CBARP: variants seen among roughly 807,000 people sequenced by gnomAD.
CBARP encodes the protein CACN subunit beta associated regulatory protein, also known as voltage-dependent calcium channel beta subunit-associated regulatory protein.
In CBARP, 24 loss-of-function variants were observed where a neutral mutation model predicts 36.3. The ratio of observed to expected loss-of-function variants is 0.66; its 90% CI spans 0.48 to 0.93. CBARP has a LOEUF of 0.93. CBARP is among the 40% of genes least tolerant of loss of function. The probability of loss-of-function intolerance (pLI) is 0.00; values close to 1 mark genes in which losing one functional copy is unlikely to be tolerated. For missense variants in CBARP, 1,146 were observed against 980.4 expected, an observed-to-expected ratio of 1.17 and a Z score of -2.26; for synonymous variants, 586 against 453.2, an observed-to-expected ratio of 1.29 and a Z score of -3.72.
In CBARP at chr19:1,230,109, G is replaced by A; in HGVS notation, c.1188C>T (p.Ser396=). The change falls in exon 10 of 10, where the codon AGC becomes AGT. Residue 396 remains serine, a synonymous_variant. Coordinates refer to ENST00000650044, the MANE Select transcript of CBARP (RefSeq NM_001393918.1). The part of the protein sequence containing the change: ...LEAAEAAGGA[S]PDSPPERGAG... ...CGCCGCGCTCCGGGGGGGAATCGGG[G>A]CTCGCTCCTCCCGCTGCCTCGGCCG... The A allele has an allele frequency of 9.4e-7, 1 of 1,063,942 alleles. No homozygotes were observed. Among genetic ancestry groups the A allele is most frequent in the South Asian group, 2.3e-5 (1 of 42,720 alleles). 65.9% of individuals were successfully genotyped at this position (1,063,942 alleles called of 1,614,324 possible). A position where few individuals can be genotyped will look rare whatever the true frequency, so the allele number is the denominator to read the frequency against.
At position 1,228,527 on chromosome 19, in the gene CBARP, C is replaced by A; in HGVS notation, c.*652G>T. 1 of 179,772 alleles carries A rather than the reference C, an allele frequency of 5.6e-6. No individual in the cohort carries two copies. Among genetic ancestry groups the A allele is most frequent in the Non-Finnish European group, 1.2e-5 (1 of 84,012 alleles). The allele number at this position is 179,772 out of a possible 1,614,324, so 11.1% of individuals were successfully genotyped here. A position where few individuals can be genotyped will look rare whatever the true frequency, so the allele number is the denominator to read the frequency against. ...CGGAGGGCAGTGGGGACTCGGGGCG[C>A]GGGAGGGCCGGGGCCGGCTCCCTCA... On this transcript the variant is annotated 3_prime_UTR_variant, in exon 10 of 10. Transcript: ENST00000650044.
At chr19:1,233,803 G>T (rs1293724279) in intron 7 of CBARP, among the ~76,000 whole-genome samples, 167 bp from the exon 8 acceptor site, 2 of 152,236 alleles carry the variant, frequency 1.3e-5, no homozygotes, top group African/African-American at 4.8e-5. Context: ...GGCGCTCAGT[G>T]GCTGGGTGGG....
In CBARP at chr19:1,231,281, C is replaced by T. The variant is rs1426266932; in HGVS notation, c.980-6G>A. The T allele has an allele frequency of 3.1e-6, 5 of 1,598,852 alleles. No individual in the cohort carries two copies. Among genetic ancestry groups the T allele is most frequent in the Admixed American group, 3.3e-5 (2 of 59,886 alleles). ...GTGGTGCCGCTTGGGGGAACCTGCGCACGGGATGTGCCGTAAGCGTCAGCC... is the reference window on the plus strand; with the variant it reads ...GTGGTGCCGCTTGGGGGAACCTGCGTACGGGATGTGCCGTAAGCGTCAGCC... On this transcript the variant is annotated splice_region_variant and splice_polypyrimidine_tract_variant and intron_variant, in intron 8 of 9. Coordinates refer to ENST00000650044, the MANE Select transcript of CBARP (RefSeq NM_001393918.1).
intron 1 of CBARP, among the ~76,000 whole-genome samples, chr19:1,237,221 C>T (rs1364078739): frequency 3.9e-5 from 6 of 152,238 alleles, no homozygotes; most frequent in Admixed American, 1.3e-4. Context: ...GGCAGGGTCC[C>T]GGCGGGGGCT....
chr19:1,229,890 C>T lies in CBARP; in HGVS notation c.1407G>A (p.Ser469=), dbSNP rs1397677189. 1.5e-5 allele frequency: 16 copies of T among 1,053,452 alleles called. No homozygotes were observed. Among genetic ancestry groups the T allele is most frequent in the Non-Finnish European group, 1.9e-5 (16 of 862,560 alleles). 65.3% of individuals were successfully genotyped at this position (1,053,452 alleles called of 1,614,324 possible). Reference sequence around the variant, plus strand: ...GCGCCGCGCCCCCGGAGCCTGAGCCCGAGCTGTCGCCGCTGCGCACCGAGT... The same window carrying T: ...GCGCCGCGCCCCCGGAGCCTGAGCCTGAGCTGTCGCCGCTGCGCACCGAGT... ...DRDSVRSGDS[S]GSGSGGAAPA... is the part of the protein sequence containing the mutation. The change falls in exon 10 of 10, where the codon TCG becomes TCA. Residue 469 remains serine (S), a synonymous_variant. Transcript: ENST00000650044. This position sits in a 1 kb window ranked among gnomAD's most constrained non-coding sequence, Gnocchi z 5.1.
At position 1,229,872 on chromosome 19, in the gene CBARP, GC is replaced by G. The variant is rs1174389616; in HGVS notation, c.1424del (p.Gly475AlafsTer353). On this transcript the variant is annotated frameshift_variant, in exon 10 of 10. Transcript: ENST00000650044. LOFTEE classifies it low-confidence loss of function (END_TRUNC). This position sits in a 1 kb window ranked among gnomAD's most constrained non-coding sequence, Gnocchi z 5.1. ...SGDSSGSGSG[G>X]AAPAFPPPSP... The stretch of plus-strand genomic sequence containing the variant: ...AGGGCGGCGGGAAGGCGGGCGCCGC[GC>G]CCCCGGAGCCTGAGCCCGAGCTGTC... 4.0e-6 allele frequency: 4 copies of G among 992,836 alleles called. No homozygotes were observed. Among genetic ancestry groups the G allele is most frequent in the South Asian group, 3.9e-5 (1 of 25,628 alleles). The allele number at this position is 992,836 out of a possible 1,614,324, so 61.5% of individuals were successfully genotyped here. A position where few individuals can be genotyped will look rare whatever the true frequency, so the allele number is the denominator to read the frequency against.
Position 1,229,653 on chromosome 19 carries a change from C to G in CBARP, c.1644G>C (p.Ala548=). 8.6e-7 allele frequency: 1 copy of G among 1,166,650 alleles called. No homozygotes were observed. The highest frequency in any genetic ancestry group is 1.7e-5 in the African/African-American group (1 of 58,970). The allele number at this position is 1,166,650 out of a possible 1,614,324, so 72.3% of individuals were successfully genotyped here. Residue 548 remains alanine, a synonymous_variant, in exon 10 of 10, where the codon GCG becomes GCC. Transcript: ENST00000650044. The surrounding 1 kb of genome is among the most constrained non-coding windows in gnomAD (Gnocchi z 5.1). ...CGTGGCGCAGGAACTCGTGGAACAG[C>G]GCGTCCGTCTTCTCGTCGATGCTGT... ...RDYSIDEKTD[A]LFHEFLRHDP... is the part of the protein sequence containing the mutation.
chr19:1,233,325 C>T, intron 8 of CBARP, 101 bp downstream of exon 8: 17 of 1,219,682 alleles, frequency 1.4e-5, no homozygotes, highest in Non-Finnish European at 1.7e-5. Flanking sequence ...ACCGGCTCCC[C>T]ACCCAGCCCA....
At chr19:1,234,911 C>A in intron 5 of CBARP, 90 bp downstream of exon 5, 3 of 1,517,338 alleles carry the variant, frequency 2.0e-6, no homozygotes, top group Non-Finnish European at 8.8e-7. Flanking sequence ...TGCCTTGGTC[C>A]CTGCAGCCTC....
Position 1,233,591 on chromosome 19 carries a change from C to T in CBARP, c.814G>A (p.Ala272Thr). The change falls in exon 8 of 10, where the codon GCA (alanine) becomes ACA (threonine). Residue 272 changes from alanine (A) to threonine (T), a missense_variant. Ala to Thr is a moderately conservative substitution (Grantham distance 58). Transcript: ENST00000650044. The part of the protein sequence containing the change: ...RSTKAGGPGA[A>T]AGPGEAGPGS... ...GGGCCCGCCTCCCCAGGCCCTGCTG[C>T]AGCCCCGGGCCCTCCAGCCTTGGTG... The T allele has an allele frequency of 1.2e-6, 2 of 1,610,624 alleles. No individual in the cohort carries two copies. Among genetic ancestry groups the T allele is most frequent in the African/African-American group, 1.3e-5 (1 of 75,040 alleles).
chr19:1,234,216 G>A lies in CBARP; in HGVS notation c.743C>T (p.Ser248Phe). The change falls in exon 7 of 10, where the codon TCT (serine) becomes TTT (phenylalanine). Residue 248 changes from serine to phenylalanine, a missense_variant. Coordinates refer to ENST00000650044, the MANE Select transcript of CBARP (RefSeq NM_001393918.1). ...TDFAEISPSA[S>F]SDSGEGTSLD... ...CGAGGTGCCTTCCCCAGAGTCGCTA[G>A]ATGCCGAGGGGCTGATCTCTGCGAA... The A allele has an allele frequency of 6.6e-7, 1 of 1,522,572 alleles. No homozygotes were observed. Among genetic ancestry groups the A allele is most frequent in the Non-Finnish European group, 8.8e-7 (1 of 1,138,928 alleles). The allele number at this position is 1,522,572 out of a possible 1,614,324, so 94.3% of individuals were successfully genotyped here.
Position 1,235,079 on chromosome 19 carries a change from C to G in CBARP, c.377G>C (p.Ser126Thr). 1 of 1,610,180 alleles carries G rather than the reference C, an allele frequency of 6.2e-7. No individual in the cohort carries two copies. The highest frequency in any genetic ancestry group is 8.5e-7 in the Non-Finnish European group (1 of 1,178,780). The stretch of plus-strand genomic sequence containing the variant: ...GAAGGAGACCCGGCGGCCCGTGGAG[C>G]TGGTGGACAGGAAGCGTTCGGTCTC... The part of the protein sequence containing the change: ...DAETERFLST[S>T]STGRRVSFNE... The change falls in exon 5 of 10, where the codon AGC (serine) becomes ACC (threonine). Residue 126 changes from serine (S) to threonine (T), a missense_variant. By Grantham distance (58) the Ser-to-Thr change is moderately conservative. Coordinates refer to ENST00000650044, the MANE Select transcript of CBARP (RefSeq NM_001393918.1).
At position 1,229,473 on chromosome 19, in the gene CBARP, C is replaced by A; in HGVS notation, c.1824G>T (p.Ala608=). The change falls in exon 10 of 10, where the codon GCG becomes GCT. Residue 608 remains alanine (A), a synonymous_variant. Coordinates refer to ENST00000650044, the MANE Select transcript of CBARP (RefSeq NM_001393918.1). The surrounding 1 kb of genome is among the most constrained non-coding windows in gnomAD (Gnocchi z 5.1). ...LAGTPAPPAG[A]ARPARAPLRR... Reference sequence around the variant, plus strand: ...GCAAGGGCGCACGCGCGGGTCGGGCCGCGCCGGCAGGCGGTGCCGGGGTTC... The same window carrying A: ...GCAAGGGCGCACGCGCGGGTCGGGCAGCGCCGGCAGGCGGTGCCGGGGTTC... 1 of 978,936 alleles carries A rather than the reference C, an allele frequency of 1.0e-6. No homozygotes were observed. Among genetic ancestry groups the A allele is most frequent in the Non-Finnish European group, 1.2e-6 (1 of 827,622 alleles). 60.6% of individuals were successfully genotyped at this position (978,936 alleles called of 1,614,324 possible).
chr19:1,230,583 G>A (rs901844722), intron 9 of CBARP: 4 of 1,164,160 alleles, frequency 3.4e-6, no homozygotes, highest in Non-Finnish European at 4.2e-6. Context: ...CAGACGTGAG[G>A]GTCACCCGCC....
At chr19:1,237,326 G>C (rs922355327) in intron 1 of CBARP, among the ~76,000 whole-genome samples, 5 of 152,204 alleles carry the variant, frequency 3.3e-5, no homozygotes, top group African/African-American at 1.2e-4. Flanking sequence ...CAGGCTGGAG[G>C]GGGTGGGGAC....
Position 1,235,996 on chromosome 19 carries a change from C to G in CBARP, c.105G>C (p.Thr35=), listed in dbSNP as rs151083000. 11 of 1,559,196 alleles carry G rather than the reference C, an allele frequency of 7.1e-6. No homozygotes were observed. The highest frequency in any genetic ancestry group is 8.7e-6 in the Non-Finnish European group (10 of 1,150,010). Residue 35 remains threonine (T), a splice_region_variant and synonymous_variant, in exon 2 of 10, where the codon ACG becomes ACC. Transcript: ENST00000650044. ...CCTCCCACCTGTCCCCTGCACCCAC[C>G]GTGGGGCGTCCAGTGGCATTGTCCC... ...TSWDNATGRP[T]AEPDPILDNY...
chr19:1,237,165 G>A (rs1000505074), intron 1 of CBARP, among the ~76,000 whole-genome samples: 1 of 152,344 alleles, frequency 6.6e-6, no homozygotes, highest in Admixed American at 6.5e-5. Flanking sequence ...TGCCCTTCCC[G>A]GACTTCCGCC....
At chr19:1,236,839 G>C (rs1473115955) in intron 1 of CBARP, among the ~76,000 whole-genome samples, 3 of 146,476 alleles carry the variant, frequency 2.0e-5, no homozygotes, top group African/African-American at 7.4e-5. Context: ...AGGGGGCGCG[G>C]GGGCGGCGGC....
chr19:1,233,702 T>C, intron 7 of CBARP, 66 bp from the exon 8 acceptor site: 1 of 1,469,474 alleles, frequency 6.8e-7, no homozygotes, highest in Non-Finnish European at 9.2e-7. Flanking sequence ...TGGCCCCAGG[T>C]GGCCGTAGGT....
Sources: allele counts gnomAD v4.1 joint callset (sites outside exome capture counted in the v4.1 genomes callset), GRCh38; gene constraint gnomAD v4.1.1; non-coding constraint Gnocchi (gnomAD v3.1); transcripts MANE v1.5; gene names NCBI Gene and HGNC (gene_info 2026-07-23, HGNC 2026-07-21).